Variants in SENP7 observed in about 807,000 individuals in gnomAD.
SENP7 encodes SUMO specific peptidase 7, also known as sentrin-specific protease 7.
SENP7 carries 64 observed loss-of-function variants against 141.2 expected under a neutral mutation model. That is an observed-to-expected ratio of 0.45 (90% confidence interval 0.37 to 0.56). SENP7 has a LOEUF of 0.56. Among genes scored for constraint, SENP7 ranks in the 20% least tolerant of loss-of-function variants. SENP7 has a pLI of 0.00. For synonymous variants in SENP7, 382 were observed against 426.4 expected (o/e 0.90, Z 1.28); for missense variants, 1,025 against 1,212.2 (o/e 0.85, Z 2.29).
chr3:101,398,244 G>A (rs970235186), intron 6 of SENP7, among the ~76,000 whole-genome samples: 2 of 152,196 alleles, frequency 1.3e-5, no homozygotes, highest in African/African-American at 2.4e-5. Flanking sequence ...CAGATCACAA[G>A]GTCAGGAGAT....
At chr3:101,398,808 G>C (rs947717391) in intron 6 of SENP7, 53 bp downstream of exon 6, 4 of 1,240,624 alleles carry the variant, frequency 3.2e-6, no homozygotes, top group African/African-American at 1.5e-5. Flanking sequence ...GAACAGGGAA[G>C]GATACATAAA....
At chr3:101,479,929 C>T (rs1277086504) in intron 3 of SENP7, among the ~76,000 whole-genome samples, 89 of 48,914 alleles carry the variant, frequency 1.8e-3, no homozygotes, top group African/African-American at 6.7e-3. Context: ...AAAACACACA[C>T]ACACACACAC....
intron 16 of SENP7, among the ~76,000 whole-genome samples, chr3:101,339,477 T>C (rs1428795787): frequency 6.6e-6 from 1 of 152,134 alleles, no homozygotes; most frequent in Non-Finnish European, 1.5e-5. Context: ...AGTTAACTCT[T>C]AGGGAGGCCA....
At chr3:101,463,376 T>TATATATATATATATACATAC (rs1559864929) in intron 3 of SENP7, among the ~76,000 whole-genome samples, 1 of 85,282 alleles carries the variant, frequency 1.2e-5, no homozygotes, top group Non-Finnish European at 2.2e-5. Context: ...TATATATATA[T>TATATATATATATATACATAC]ATATATATAT....
At chr3:101,441,569 C>G (rs1177830256) in intron 4 of SENP7, among the ~76,000 whole-genome samples, 1 of 152,086 alleles carries the variant, frequency 6.6e-6, no homozygotes, top group Non-Finnish European at 1.5e-5. Context: ...CTGCCAATGC[C>G]CAAGTACATT....
chr3:101,479,676 T>C (rs1400218192), intron 3 of SENP7, among the ~76,000 whole-genome samples: 11 of 147,738 alleles, frequency 7.4e-5, no homozygotes, highest in African/African-American at 2.8e-4. Context: ...ACATCAAAAA[T>C]GTAGTGATTA....
intron 4 of SENP7, among the ~76,000 whole-genome samples, chr3:101,435,516 A>G (rs1053817873): frequency 6.6e-6 from 1 of 152,096 alleles, no homozygotes; most frequent in African/African-American, 2.4e-5. Flanking sequence ...TGATGACATG[A>G]TCCAATGTTT....
intron 6 of SENP7, 128 bp downstream of exon 6, chr3:101,398,733 G>A (rs776194377): frequency 1.5e-6 from 1 of 684,872 alleles, no homozygotes; most frequent in South Asian, 3.0e-5. Context: ...CACCCGGGGA[G>A]AAAAATAATA....
intron 3 of SENP7, among the ~76,000 whole-genome samples, chr3:101,481,514 G>C: frequency 6.6e-6 from 1 of 152,096 alleles, no homozygotes; most frequent in Non-Finnish European, 1.5e-5. Context: ...TCACAATGGA[G>C]AGAGGTTGGT....
Position 101,367,845 on chromosome 3 carries a change from C to T in SENP7, c.963G>A (p.Lys321=), listed in dbSNP as rs1055928148. 1 of 1,595,750 alleles carries T rather than the reference C, an allele frequency of 6.3e-7. No homozygotes were observed. The highest frequency in any genetic ancestry group is 8.6e-7 in the Non-Finnish European group (1 of 1,166,290). ...CTCTACTTACTGTCTGTTCTGTTGA[C>T]TTATCCAAAGAAGTACAATATTGAG... The part of the protein sequence containing the change: ...PDSQYCTSLD[K]STEQTKKQED... The change falls in exon 8 of 24, where the codon AAG becomes AAA. Residue 321 remains lysine, a synonymous_variant. Coordinates refer to ENST00000394095, the MANE Select transcript of SENP7 (RefSeq NM_020654.5).
In SENP7 at chr3:101,341,755, G is replaced by GC; in HGVS notation, c.2130dup (p.Pro711AlafsTer11). On this transcript the variant is annotated frameshift_variant, in exon 15 of 24. Transcript: ENST00000394095. LOFTEE classifies it high-confidence loss of function. The stretch of plus-strand genomic sequence containing the variant: ...TGCTTCTGCAGGAAGGTGTAAGTAG[G>GC]CTTGGCCGCATCTGTGTTTGAGGGC... The GC allele has an allele frequency of 6.2e-7, 1 of 1,607,526 alleles. No individual in the cohort carries two copies. The highest frequency in any genetic ancestry group is 8.5e-7 in the Non-Finnish European group (1 of 1,174,950).
chr3:101,377,974 A>G (rs575333540), intron 6 of SENP7, among the ~76,000 whole-genome samples: 89 of 152,294 alleles, frequency 5.8e-4, no homozygotes, highest in African/African-American at 2.0e-3. Flanking sequence ...CTTTAGCAGT[A>G]GGATATAAAT....
Position 101,367,679 on chromosome 3 carries a change from G to GT in SENP7, c.978+150dup, listed in dbSNP as rs1406344479. ...ACCAAGAAAAGTTACATTTAGAATTGTTTTTTAATAATAAAGCTAACAGTG... is the reference window on the plus strand; with the variant it reads ...ACCAAGAAAAGTTACATTTAGAATTGTTTTTTTAATAATAAAGCTAACAGTG... On this transcript the variant is annotated intron_variant, in intron 8 of 23. Transcript: ENST00000394095. 1.8e-5 allele frequency: 9 copies of GT among 513,928 alleles called. No individual in the cohort carries two copies. In the Admixed American group the frequency reaches 2.6e-4, roughly 15 times the overall value. 31.8% of individuals were successfully genotyped at this position (513,928 alleles called of 1,614,324 possible). A position where few individuals can be genotyped will look rare whatever the true frequency, so the allele number is the denominator to read the frequency against.
At chr3:101,391,593 T>C (rs1202255543) in intron 6 of SENP7, among the ~76,000 whole-genome samples, 1 of 151,908 alleles carries the variant, frequency 6.6e-6, no homozygotes, top group East Asian at 1.9e-4. Flanking sequence ...AAAGCAGTAA[T>C]AAAAGGTCTA....
intron 17 of SENP7, among the ~76,000 whole-genome samples, chr3:101,334,481 A>G (rs1384795144): frequency 6.6e-6 from 1 of 152,148 alleles, no homozygotes; most frequent in Non-Finnish European, 1.5e-5. Flanking sequence ...AACTGAAATC[A>G]TTGCCCCATC....
chr3:101,443,320 G>A (rs1348512796), intron 4 of SENP7, among the ~76,000 whole-genome samples: 1 of 152,010 alleles, frequency 6.6e-6, no homozygotes, highest in African/African-American at 2.4e-5. Context: ...TCTCTGTTTT[G>A]GTACCAGTAC....
At chr3:101,474,340 G>A (rs891315371) in intron 3 of SENP7, among the ~76,000 whole-genome samples, 3 of 151,802 alleles carry the variant, frequency 2.0e-5, no homozygotes, top group African/African-American at 7.2e-5. Context: ...ATGTGCTTGT[G>A]TCATCTCTGA....
rs1230638558 is a variant in SENP7 at position 101,358,083 on chromosome 3, ACT to A, written c.1623+3630_1623+3631del. On this transcript the variant is annotated intron_variant, in intron 11 of 23. Coordinates refer to ENST00000394095, the MANE Select transcript of SENP7 (RefSeq NM_020654.5). ...ATTAAACATGAGATAATTCATAGAA[ACT>A]CTACAAATGTGAAGAATGTGGCAAA... The A allele has an allele frequency of 1.5e-5, 9 of 603,562 alleles. No homozygotes were observed. The East Asian group carries it at 5.1e-4, about 34-fold the overall frequency. 37.4% of individuals were successfully genotyped at this position (603,562 alleles called of 1,614,324 possible).
chr3:101,425,291 C>T (rs2061924707), intron 4 of SENP7, among the ~76,000 whole-genome samples: 1 of 152,166 alleles, frequency 6.6e-6, no homozygotes, highest in South Asian at 2.1e-4. Context: ...AGGAGCACCT[C>T]AGCCCCCCAA....
Sources: gnomAD v4.1 joint callset for allele counts (sites outside exome capture counted in the v4.1 genomes callset) on GRCh38, gnomAD v4.1.1 for gene constraint, MANE v1.5 for transcripts, NCBI Gene and HGNC (gene_info 2026-07-23, HGNC 2026-07-21) for gene names.